MROH2B: variants seen among roughly 807,000 people sequenced by gnomAD.
MROH2B encodes maestro heat-like repeat-containing protein family member 2B.
MROH2B carries 177 observed loss-of-function variants against 208.6 expected under a neutral mutation model. The ratio of observed to expected loss-of-function variants is 0.85; its 90% confidence interval spans 0.75 to 0.96. The LOEUF (loss-of-function observed/expected upper bound fraction) is 0.96, where lower values mean the gene tolerates loss of function less well. MROH2B is among the 40% of genes least tolerant of loss of function. The pLI, the probability that MROH2B is intolerant of heterozygous loss-of-function variation, is 0.00. For synonymous variants in MROH2B, 728 were observed against 659.0 expected (o/e 1.10, Z -1.60); for missense variants, 2,002 against 1,878.7 (o/e 1.07, Z -1.21).
intron 30 of MROH2B, among the ~76,000 whole-genome samples, chr5:41,010,739 A>G (rs1378427843): frequency 6.6e-6 from 1 of 152,188 alleles, no homozygotes; most frequent in African/African-American, 2.4e-5. Flanking sequence ...GTACAACACC[A>G]GGAGTGAACC....
intron 24 of MROH2B, among the ~76,000 whole-genome samples, chr5:41,027,503 C>T (rs1742411811): frequency 6.6e-6 from 1 of 152,136 alleles, no homozygotes; most frequent in Non-Finnish European, 1.5e-5. Flanking sequence ...CATCTCACAC[C>T]AGTTAGAATG....
In MROH2B at chr5:41,061,595, C is replaced by T. The variant is rs773256355; in HGVS notation, c.590G>A (p.Trp197Ter). The change falls in exon 6 of 42, where the codon TGG (tryptophan) becomes TAG (stop). Residue 197 changes from tryptophan to a stop codon, truncating the protein, a stop_gained. Transcript: ENST00000399564. LOFTEE classifies it high-confidence loss of function. ...FMLFWYIMEKWAPLASPMQTL... is the reference protein window; with the variant it reads ...FMLFWYIMEK ...CTGCATGGGTGAGGCCAAAGGGGCC[C>T]ACTTCTCCATTATATACCAGAACAG... is the stretch of plus-strand genomic sequence containing the variant. 4.9e-5 allele frequency: 79 copies of T among 1,613,284 alleles called. No individual in the cohort carries two copies. In the South Asian group the frequency reaches 7.5e-4, roughly 15 times the overall value.
At chr5:41,006,722 A>T (rs1741604919) in intron 34 of MROH2B, among the ~76,000 whole-genome samples, 2 of 152,192 alleles carry the variant, frequency 1.3e-5, no homozygotes, top group Non-Finnish European at 2.9e-5. Flanking sequence ...ATTCTATGTG[A>T]AGTAACTTGG....
chr5:41,000,884 C>T, intron 37 of MROH2B, 51 bp from the exon 38 acceptor site: 1 of 1,552,794 alleles, frequency 6.4e-7, no homozygotes, highest in South Asian at 1.2e-5. Flanking sequence ...AGGCCATTCC[C>T]TGCTAGCACA....
chr5:40,998,044 T>C lies in MROH2B; in HGVS notation c.*8A>G. On this transcript the variant is annotated 3_prime_UTR_variant, in exon 42 of 42. Coordinates refer to ENST00000399564, the MANE Select transcript of MROH2B (RefSeq NM_173489.5). ...ATAGGAAAAGCCAGCAGTTTATTTC[T>C]TGATGGCTTACAGAGGAATGCTTGT... 1.3e-6 allele frequency: 2 copies of C among 1,593,022 alleles called. No individual in the cohort carries two copies. The highest frequency in any genetic ancestry group is 1.7e-5 in the Admixed American group (1 of 58,742).
chr5:41,004,643 C>A, intron 36 of MROH2B, 115 bp from the exon 37 acceptor site: 1 of 1,509,692 alleles, frequency 6.6e-7, no homozygotes, highest in Non-Finnish European at 8.9e-7. Context: ...GTAGTTCAAC[C>A]GAAGGACTAC....
In MROH2B at chr5:41,045,860, T is replaced by C. The variant is rs761710891; in HGVS notation, c.1729-7A>G. ...ATAAGGATTCTTTGAGCAACTGTTG[T>C]AGGAAGTGGAAGTTAGATGTGAATA... On this transcript the variant is annotated splice_polypyrimidine_tract_variant and splice_region_variant and intron_variant, in intron 17 of 41. Transcript: ENST00000399564. 43 of 1,604,314 alleles carry C rather than the reference T, an allele frequency of 2.7e-5. 1 individual carries two copies. The Admixed American group carries it at 6.0e-4, about 22-fold the overall frequency.
chr5:41,052,570 AAGAAC>A lies in MROH2B; in HGVS notation c.1120_1124del (p.Val374SerfsTer8). On this transcript the variant is annotated frameshift_variant, in exon 12 of 42. Coordinates refer to ENST00000399564, the MANE Select transcript of MROH2B (RefSeq NM_173489.5). LOFTEE classifies it high-confidence loss of function. ...TTTCACACATGGTTTGGATGAGGAG[AAGAAC>A]AGAATTTCTTACCTAGGGTAAGAAC... is the stretch of plus-strand genomic sequence containing the variant. The A allele has an allele frequency of 6.2e-7, 1 of 1,610,384 alleles. No homozygotes were observed. The highest frequency in any genetic ancestry group is 2.2e-5 in the East Asian group (1 of 44,726).
intron 30 of MROH2B, among the ~76,000 whole-genome samples, chr5:41,011,006 C>T (rs1741757347): frequency 6.6e-6 from 1 of 151,988 alleles, no homozygotes; most frequent in African/African-American, 2.4e-5. Context: ...GAGAATGGTC[C>T]AGGTTGGAGT....
chr5:40,998,566 C>G, intron 41 of MROH2B, 46 bp downstream of exon 41: 1 of 1,480,690 alleles, frequency 6.8e-7, no homozygotes, highest in Non-Finnish European at 9.3e-7. Flanking sequence ...TTCTCTTTTC[C>G]TAAGAATGTA....
At chr5:41,005,796 C>A (rs1045614481) in intron 34 of MROH2B, among the ~76,000 whole-genome samples, 151 bp from the exon 35 acceptor site, 2 of 151,894 alleles carry the variant, frequency 1.3e-5, no homozygotes. Context: ...TTTGGGAGGC[C>A]GAGGCAGGTG....
intron 28 of MROH2B, among the ~76,000 whole-genome samples, chr5:41,016,314 G>A (rs1486215660): frequency 6.6e-6 from 1 of 152,090 alleles, no homozygotes; most frequent in South Asian, 2.1e-4. Context: ...TTCCATCGGC[G>A]AAAATGTCGA....
chr5:41,061,763 T>C, intron 5 of MROH2B, 39 bp from the exon 6 acceptor site: 1 of 1,595,692 alleles, frequency 6.3e-7, no homozygotes, highest in African/African-American at 1.3e-5. Context: ...GAGAAAAATA[T>C]AAGGATGGGG....
intron 22 of MROH2B, 145 bp from the exon 23 acceptor site, chr5:41,033,305 TA>T (rs1742639188): frequency 8.4e-7 from 1 of 1,185,778 alleles, no homozygotes; most frequent in Admixed American, 2.5e-5. Context: ...GACTAGGGTC[TA>T]AGTTGCAGGG....
At chr5:41,045,544 C>A (rs568071387) in intron 18 of MROH2B, among the ~76,000 whole-genome samples, 1 of 152,198 alleles carries the variant, frequency 6.6e-6, no homozygotes, top group East Asian at 1.9e-4. Flanking sequence ...ATACCTGTGG[C>A]CATATGAGTA....
At position 41,018,824 on chromosome 5, in the gene MROH2B, G is replaced by T. The variant is rs547587374; in HGVS notation, c.2578-38C>A. 46 of 1,613,300 alleles carry T rather than the reference G, an allele frequency of 2.9e-5. No individual in the cohort carries two copies. In the East Asian group the frequency reaches 9.8e-4, roughly 34 times the overall value. Reference sequence around the variant, plus strand: ...ATGTGTGTGTGAGTCTCAGGCTGGGGTGAGAGAGTAAGGCCCCACTGCAGA... The same window carrying T: ...ATGTGTGTGTGAGTCTCAGGCTGGGTTGAGAGAGTAAGGCCCCACTGCAGA... On this transcript the variant is annotated intron_variant, in intron 25 of 41. Transcript: ENST00000399564.
chr5:41,003,136 CT>C (rs1741457100), intron 37 of MROH2B, among the ~76,000 whole-genome samples: 1 of 151,852 alleles, frequency 6.6e-6, no homozygotes, highest in Non-Finnish European at 1.5e-5. Flanking sequence ...AATTTTTGTA[CT>C]TTTACTACAG....
chr5:41,018,219 T>C, intron 27 of MROH2B, 122 bp downstream of exon 27: 1 of 1,096,584 alleles, frequency 9.1e-7, no homozygotes, highest in East Asian at 2.6e-5. Flanking sequence ...CCAAAAGTGT[T>C]CCGAAAAGCA....
chr5:41,000,424 T>TA (rs770116090), intron 38 of MROH2B, 73 bp from the exon 39 acceptor site: 17 of 1,565,538 alleles, frequency 1.1e-5, no homozygotes, highest in Non-Finnish European at 1.5e-5. Context: ...AAATGCTGAA[T>TA]AGTACTGGGA....
Sources: gnomAD v4.1 joint callset for allele counts (sites outside exome capture counted in the v4.1 genomes callset) on GRCh38, gnomAD v4.1.1 for gene constraint, MANE v1.5 for transcripts, NCBI Gene and HGNC (gene_info 2026-07-23, HGNC 2026-07-21) for gene names.